The following GALNTL6 variants were observed in gnomAD, a reference collection of about 807,000 sequenced individuals.
GALNTL6 encodes the protein polypeptide N-acetylgalactosaminyltransferase like 6, also known as polypeptide N-acetylgalactosaminyltransferase-like 6.
GALNTL6 carries 46 observed loss-of-function variants against 73.7 expected under a neutral mutation model. That is an observed-to-expected ratio of 0.62 (90% CI 0.49 to 0.80). GALNTL6 has a LOEUF of 0.80. GALNTL6 is among the 30% of genes least tolerant of loss of function. The pLI, the probability that GALNTL6 is intolerant of heterozygous loss-of-function variation, is 0.00. For missense variants in GALNTL6, 604 were observed against 755.0 expected, an observed-to-expected ratio of 0.80 and a Z score of 2.34; for synonymous variants, 259 against 263.7, an observed-to-expected ratio of 0.98 and a Z score of 0.17.
chr4:171,904,774 C>G (rs1455182743), intron 2 of GALNTL6, among the ~76,000 whole-genome samples: 1 of 152,230 alleles, frequency 6.6e-6, no homozygotes, highest in South Asian at 2.1e-4. Flanking sequence ...AAGGGAAGCC[C>G]ATCAGACTAA....
Position 172,002,929 on chromosome 4 carries a change from G to C in GALNTL6, c.138+188211G>C, listed in dbSNP as rs1740720559. Among the ~76,000 whole-genome samples the C allele has an allele frequency of 4.6e-5, 7 of 152,128 alleles. No homozygotes were observed. In the South Asian group the frequency reaches 1.5e-3, roughly 32 times the overall value. ...TATATTGTGAAGTAGGCAGTGAGGG[G>C]AGCAATTGAGAGCTTTTATAGGCTA... On this transcript the variant is annotated intron_variant, in intron 2 of 12. Transcript: ENST00000506823.
chr4:172,050,301 G>A (rs1730811215), intron 2 of GALNTL6, among the ~76,000 whole-genome samples: 1 of 152,162 alleles, frequency 6.6e-6, no homozygotes, highest in African/African-American at 2.4e-5. Context: ...GCTTGAAGAT[G>A]AGGGTTTTTT....
chr4:172,896,334 A>G (rs1209031498), intron 8 of GALNTL6, among the ~76,000 whole-genome samples: 4 of 152,202 alleles, frequency 2.6e-5, no homozygotes, highest in African/African-American at 4.8e-5. Flanking sequence ...TAATCACTGC[A>G]GCCATTTCAG....
At chr4:172,632,459 T>C (rs184157633) in intron 5 of GALNTL6, among the ~76,000 whole-genome samples, 2 of 152,278 alleles carry the variant, frequency 1.3e-5, no homozygotes, top group Admixed American at 6.5e-5. Context: ...ACTCTTGTTA[T>C]GCAAAAAGAC....
At chr4:172,903,984 C>A (rs2111246203) in intron 8 of GALNTL6, among the ~76,000 whole-genome samples, 1 of 152,234 alleles carries the variant, frequency 6.6e-6, no homozygotes, top group South Asian at 2.1e-4. Context: ...ACCCTTAGAT[C>A]CCTCCCTGCA....
rs373067015 is a variant in GALNTL6 at position 172,760,104 on chromosome 4, G to A, written c.554-49257G>A. Among the ~76,000 whole-genome samples, 39 of 151,638 alleles carry A rather than the reference G, an allele frequency of 2.6e-4. No homozygotes were observed. The East Asian group carries it at 4.1e-3, about 16-fold the overall frequency. ...ACCCGCCTCGGCCTCCCAAAGTGCT[G>A]GGATTACAGGCGTGAGCCACCGCGC... On this transcript the variant is annotated intron_variant, in intron 5 of 12. Coordinates refer to ENST00000506823, the MANE Select transcript of GALNTL6 (RefSeq NM_001034845.3).
intron 5 of GALNTL6, among the ~76,000 whole-genome samples, chr4:172,588,933 A>C (rs1172850477): frequency 6.6e-6 from 1 of 152,220 alleles, no homozygotes; most frequent in African/African-American, 2.4e-5. Context: ...AAAAATGTTC[A>C]TTGGGATTTA....
intron 2 of GALNTL6, among the ~76,000 whole-genome samples, chr4:172,099,666 C>T (rs950927773): frequency 2.6e-5 from 4 of 152,082 alleles, no homozygotes; most frequent in Admixed American, 1.3e-4. Flanking sequence ...TAGCACTACA[C>T]TTGTCTAGTT....
chr4:172,329,756 A>C (rs892059152), intron 4 of GALNTL6, among the ~76,000 whole-genome samples: 1 of 152,238 alleles, frequency 6.6e-6, no homozygotes, highest in Non-Finnish European at 1.5e-5. Flanking sequence ...GAAGCAGCAA[A>C]GATGGCAACC....
chr4:172,683,290 C>G (rs1355523717), intron 5 of GALNTL6, among the ~76,000 whole-genome samples: 1 of 152,154 alleles, frequency 6.6e-6, no homozygotes, highest in African/African-American at 2.4e-5. Context: ...GCAGGCAAAG[C>G]CTCAGATGGC....
At chr4:172,351,519 C>A (rs1040495214) in intron 5 of GALNTL6, among the ~76,000 whole-genome samples, 2 of 152,068 alleles carry the variant, frequency 1.3e-5, no homozygotes, top group Admixed American at 1.3e-4. Flanking sequence ...AAGGAAGATA[C>A]CCCTAGACAT....
chr4:172,098,622 A>G (rs1732424645), intron 2 of GALNTL6, among the ~76,000 whole-genome samples: 1 of 152,136 alleles, frequency 6.6e-6, no homozygotes, highest in Non-Finnish European at 1.5e-5. Context: ...TGTAAGGACT[A>G]CTGTGACAGC....
chr4:172,782,776 A>C (rs1739439749), intron 5 of GALNTL6, among the ~76,000 whole-genome samples: 1 of 152,104 alleles, frequency 6.6e-6, no homozygotes, highest in South Asian at 2.1e-4. Context: ...AGAGTACAGC[A>C]CAGAAGGAAG....
At chr4:172,716,041 C>T (rs1735063046) in intron 5 of GALNTL6, among the ~76,000 whole-genome samples, 1 of 152,142 alleles carries the variant, frequency 6.6e-6, no homozygotes. Flanking sequence ...ACAACTGTAG[C>T]AATTTGGCAG....
rs554313908 is a variant in GALNTL6, at chr4:172,987,230, C to A, written c.1372-21948C>A. On this transcript the variant is annotated intron_variant, in intron 10 of 12. Coordinates refer to ENST00000506823, the MANE Select transcript of GALNTL6 (RefSeq NM_001034845.3). ...AAGGTTTAATAGACTCACAGTTCAG[C>A]ATGGCGGGGAGGCCTCAGGAAACCT... Among the ~76,000 whole-genome samples the A allele has an allele frequency of 1.2e-4, 18 of 152,216 alleles. No homozygotes were observed. The South Asian group carries it at 3.5e-3, about 30-fold the overall frequency.
intron 5 of GALNTL6, among the ~76,000 whole-genome samples, chr4:172,539,459 C>G (rs183310544): frequency 1.3e-5 from 2 of 152,272 alleles, no homozygotes; most frequent in Admixed American, 1.3e-4. Context: ...AAAGACCTTT[C>G]CCTCCACTGA....
chr4:172,105,894 C>T (rs1225196472), intron 2 of GALNTL6, among the ~76,000 whole-genome samples: 1 of 151,960 alleles, frequency 6.6e-6, no homozygotes, highest in East Asian at 1.9e-4. Flanking sequence ...ATTTGGTAAA[C>T]TTGAATATAA....
At chr4:171,906,308 G>T (rs1737275446) in intron 2 of GALNTL6, among the ~76,000 whole-genome samples, 2 of 151,118 alleles carry the variant, frequency 1.3e-5, no homozygotes, top group South Asian at 4.2e-4. Context: ...ATGATAAAGG[G>T]AATATCACCA....
At chr4:172,964,513 C>T (rs1750236398) in intron 10 of GALNTL6, among the ~76,000 whole-genome samples, 1 of 152,148 alleles carries the variant, frequency 6.6e-6, no homozygotes, top group East Asian at 1.9e-4. Flanking sequence ...CATGTCAATA[C>T]CGAACTACCT....
Sources: gnomAD v4.1 joint callset for allele counts (sites outside exome capture counted in the v4.1 genomes callset) on GRCh38, gnomAD v4.1.1 for gene constraint, MANE v1.5 for transcripts, NCBI Gene and HGNC (gene_info 2026-07-23, HGNC 2026-07-21) for gene names.